The following CNKSR3 variants were observed in gnomAD, a reference collection of about 807,000 sequenced individuals.
The protein encoded by CNKSR3 is CNKSR family member 3.
In CNKSR3, 36 loss-of-function variants were observed where a neutral mutation model predicts 67.7. The observed-to-expected ratio is 0.53, with a 90% CI of 0.41 to 0.70. The LOEUF (loss-of-function observed/expected upper bound fraction) is 0.70, where lower values mean the gene tolerates loss of function less well. CNKSR3 is among the 30% of genes least tolerant of loss of function. The probability of loss-of-function intolerance (pLI) is 0.00; values close to 1 mark genes in which losing one functional copy is unlikely to be tolerated. For missense variants in CNKSR3, 630 were observed against 695.2 expected (o/e 0.91, Z 1.05); for synonymous variants, 281 against 271.4 (o/e 1.04, Z -0.35).
intron 2 of CNKSR3, among the ~76,000 whole-genome samples, chr6:154,445,757 T>A (rs1215274992): frequency 6.6e-6 from 1 of 152,214 alleles, no homozygotes; most frequent in Non-Finnish European, 1.5e-5. Context: ...CCACTCAGTT[T>A]GCTCTTTTTC....
At chr6:154,479,047 C>T (rs1786511305) in intron 1 of CNKSR3, among the ~76,000 whole-genome samples, 1 of 149,160 alleles carries the variant, frequency 6.7e-6, no homozygotes, top group South Asian at 2.1e-4. Context: ...GGGGGAGGAA[C>T]ATATTCTTTT....
rs1325848367 is a variant in CNKSR3, at chr6:154,459,682, C to T, written c.53-9424G>A. 2.6e-5 allele frequency among the ~76,000 whole-genome samples: 4 copies of T among 152,216 alleles called. 1 individual carries two copies. The East Asian group carries it at 7.7e-4, about 29-fold the overall frequency. ...CCAATGTTCTCTAAGACTTAGGTCA[C>T]CCTGAAGACATCGGAAGACGTAACC... On this transcript the variant is annotated intron_variant, in intron 1 of 12. Coordinates refer to ENST00000607772, the MANE Select transcript of CNKSR3 (RefSeq NM_173515.4).
At chr6:154,465,008 G>A (rs1237973268) in intron 1 of CNKSR3, among the ~76,000 whole-genome samples, 1 of 149,010 alleles carries the variant, frequency 6.7e-6, no homozygotes, top group Non-Finnish European at 1.5e-5. Flanking sequence ...GAGTATGGTG[G>A]CAGGCACCTG....
intron 9 of CNKSR3, among the ~76,000 whole-genome samples, chr6:154,421,648 A>G (rs1022174869): frequency 6.6e-6 from 1 of 152,130 alleles, no homozygotes; most frequent in African/African-American, 2.4e-5. Context: ...GTCTTCTATT[A>G]TCAGCGCAGA....
rs2128707670 is a variant in CNKSR3, at chr6:154,388,799, C to T, written c.*17555G>A. 1.3e-5 allele frequency: 2 copies of T among 152,216 alleles called. No individual in the cohort carries two copies. Among genetic ancestry groups the T allele is most frequent in the Middle Eastern group, 6.8e-3 (2 of 294 alleles). 9.4% of individuals were successfully genotyped at this position (152,216 alleles called of 1,614,324 possible). ...GCACCTTTTATCCTCTGGGAGCCTC[C>T]CATTTCCTCTCATTGATGAGAATTT... is the stretch of plus-strand genomic sequence containing the variant. On this transcript the variant is annotated 3_prime_UTR_variant, in exon 13 of 13. Coordinates refer to ENST00000607772, the MANE Select transcript of CNKSR3 (RefSeq NM_173515.4).
rs1414603156 is a variant in CNKSR3, at chr6:154,414,310, G to T, written c.1059C>A (p.Pro353=). The T allele has an allele frequency of 1.2e-6, 2 of 1,602,068 alleles. No homozygotes were observed. The highest frequency in any genetic ancestry group is 1.7e-6 in the Non-Finnish European group (2 of 1,175,352). ...DLYIPPPPAV[P]YSPRDENGSF... ...GGACAGCAACATACCGGGGAGAGTAGGGAACAGCAGGCGGAGGAGGAATAT... is the reference window on the plus strand; with the variant it reads ...GGACAGCAACATACCGGGGAGAGTATGGAACAGCAGGCGGAGGAGGAATAT... The change falls in exon 10 of 13, where the codon CCC becomes CCA. Residue 353 remains proline, a synonymous_variant. Transcript: ENST00000607772.
intron 1 of CNKSR3, among the ~76,000 whole-genome samples, chr6:154,464,602 G>C (rs1422311601): frequency 2.0e-5 from 3 of 151,640 alleles, no homozygotes; most frequent in Non-Finnish European, 4.4e-5. Context: ...TGTAATCCCA[G>C]CTACTCGGGA....
chr6:154,461,589 C>G (rs1452217092), intron 1 of CNKSR3, among the ~76,000 whole-genome samples: 1 of 152,184 alleles, frequency 6.6e-6, no homozygotes, highest in African/African-American at 2.4e-5. Flanking sequence ...CCTCACTTTC[C>G]TCATCTACAA....
At chr6:154,426,757 G>A (rs147889299) in intron 7 of CNKSR3, among the ~76,000 whole-genome samples, 305 of 152,318 alleles carry the variant, frequency 2.0e-3, no homozygotes, top group African/African-American at 6.9e-3. Context: ...ATTGCTTCAA[G>A]AAGACCCAAT....
At chr6:154,450,820 G>GT (rs1785811053) in intron 1 of CNKSR3, among the ~76,000 whole-genome samples, 1 of 152,162 alleles carries the variant, frequency 6.6e-6, no homozygotes, top group South Asian at 2.1e-4. Context: ...TTTCCAATCA[G>GT]AAGTCAAAAG....
Position 154,393,455 on chromosome 6 carries a change from C to T in CNKSR3, c.*12899G>A, listed in dbSNP as rs1244551962. ...TCGCTAGTGAAAATCGCTTCACATG[C>T]ATATGGACCATCTGATTCTCTTTTG... On this transcript the variant is annotated 3_prime_UTR_variant, in exon 13 of 13. Transcript: ENST00000607772. The T allele has an allele frequency of 3.9e-5, 6 of 152,230 alleles. No homozygotes were observed. Among genetic ancestry groups the T allele is most frequent in the African/African-American group, 1.4e-4 (6 of 41,458 alleles). The allele number at this position is 152,230 out of a possible 1,614,324, so 9.4% of individuals were successfully genotyped here.
At chr6:154,494,039 C>T (rs978342944) in intron 1 of CNKSR3, among the ~76,000 whole-genome samples, 1 of 152,154 alleles carries the variant, frequency 6.6e-6, no homozygotes, top group African/African-American at 2.4e-5. Context: ...AGATAAGTGG[C>T]ATCATTTCAG....
In CNKSR3 at chr6:154,389,428, T is replaced by C. The variant is rs1251860486; in HGVS notation, c.*16926A>G. The C allele has an allele frequency of 6.6e-6, 1 of 152,302 alleles. No homozygotes were observed. Among genetic ancestry groups the C allele is most frequent in the Admixed American group, 6.5e-5 (1 of 15,280 alleles). The allele number at this position is 152,302 out of a possible 1,614,324, so 9.4% of individuals were successfully genotyped here. ...CATGTGAATCTATTTCTGGACTCTC[T>C]ATTCTGTTCCATTCACATATATGTC... is the stretch of plus-strand genomic sequence containing the variant. On this transcript the variant is annotated 3_prime_UTR_variant, in exon 13 of 13. Coordinates refer to ENST00000607772, the MANE Select transcript of CNKSR3 (RefSeq NM_173515.4).
intron 9 of CNKSR3, among the ~76,000 whole-genome samples, chr6:154,420,025 T>C (rs1474021165): frequency 6.6e-6 from 1 of 151,876 alleles, no homozygotes; most frequent in Non-Finnish European, 1.5e-5. Context: ...GAGGTTGCAG[T>C]GAGCCAAGAT....
At chr6:154,475,055 A>G (rs1582890043) in intron 1 of CNKSR3, among the ~76,000 whole-genome samples, 1 of 152,158 alleles carries the variant, frequency 6.6e-6, no homozygotes, top group African/African-American at 2.4e-5. Flanking sequence ...TTTCCTTCTG[A>G]AAAGTCTGCA....
chr6:154,421,897 G>A (rs376018079), intron 9 of CNKSR3, among the ~76,000 whole-genome samples: 3 of 151,990 alleles, frequency 2.0e-5, no homozygotes, highest in Non-Finnish European at 4.4e-5. Context: ...CACACTGTCC[G>A]ATATGGGAGT....
Position 154,406,505 on chromosome 6 carries a change from T to C in CNKSR3, c.1517A>G (p.Tyr506Cys), listed in dbSNP as rs747638001. Reference protein sequence around the residue: ...GADYIRGSRCYINSDLHSSAT... With the variant: ...GADYIRGSRCCINSDLHSSAT... The stretch of plus-strand genomic sequence containing the variant: ...GCTGCTGTGGAGATCTGAGTTGATG[T>C]AGCACCTGCTTCCTCGGATGTAGTC... Residue 506 changes from tyrosine (Y) to cysteine (C), a missense_variant, in exon 13 of 13, where the codon TAC (tyrosine) becomes TGC (cysteine). Transcript: ENST00000607772. 1 of 1,614,122 alleles carries C rather than the reference T, an allele frequency of 6.2e-7. No individual in the cohort carries two copies. Among genetic ancestry groups the C allele is most frequent in the Non-Finnish European group, 8.5e-7 (1 of 1,180,012 alleles).
At chr6:154,475,481 T>C (rs1786426715) in intron 1 of CNKSR3, among the ~76,000 whole-genome samples, 1 of 152,294 alleles carries the variant, frequency 6.6e-6, no homozygotes, top group African/African-American at 2.4e-5. Context: ...CTGTCCTCCC[T>C]ACCCACCGGC....
At position 154,406,085 on chromosome 6, in the gene CNKSR3, C is replaced by A. The variant is rs1784781907; in HGVS notation, c.*269G>T. 4.6e-6 allele frequency: 2 copies of A among 438,824 alleles called. No homozygotes were observed. Among genetic ancestry groups the A allele is most frequent in the Non-Finnish European group, 4.1e-6 (1 of 244,074 alleles). 27.2% of individuals were successfully genotyped at this position (438,824 alleles called of 1,614,324 possible). On this transcript the variant is annotated 3_prime_UTR_variant, in exon 13 of 13. Transcript: ENST00000607772. ...CAGGACTGCGATTTCTAGCGCGTGT[C>A]TTCACATTCTATCTCTGGGGAAGCA...
Sources: gnomAD v4.1 joint callset for allele counts (sites outside exome capture counted in the v4.1 genomes callset) on GRCh38, gnomAD v4.1.1 for gene constraint, MANE v1.5 for transcripts, NCBI Gene and HGNC (gene_info 2026-07-23, HGNC 2026-07-21) for gene names.